PDE4D: variants seen among roughly 807,000 people sequenced by gnomAD.
The protein encoded by PDE4D is phosphodiesterase 4D.
A neutral mutation model predicts 87.4 loss-of-function variants in PDE4D; 24 were observed. The ratio of observed to expected loss-of-function variants is 0.27; its 90% confidence interval spans 0.20 to 0.39. PDE4D has a LOEUF of 0.39. Ranked by LOEUF, PDE4D falls within the 10% of genes least tolerant of loss-of-function variation. The pLI is 1.00. For synonymous variants in PDE4D, 384 were observed against 383.2 expected, an observed-to-expected ratio of 1.00 and a Z score of -0.02; for missense variants, 714 against 1,041.0, an observed-to-expected ratio of 0.69 and a Z score of 4.32.
At chr5:59,571,078 C>G (rs556547364) in intron 1 of PDE4D, among the ~76,000 whole-genome samples, 2 of 152,128 alleles carry the variant, frequency 1.3e-5, no homozygotes, top group African/African-American at 4.8e-5. Flanking sequence ...AAAATTTGCT[C>G]CTCCCTGATG....
At chr5:59,286,775 C>A (rs906087615) in intron 1 of PDE4D, among the ~76,000 whole-genome samples, 5 of 152,104 alleles carry the variant, frequency 3.3e-5, no homozygotes, top group African/African-American at 9.7e-5. Flanking sequence ...CTTACCTATT[C>A]TAGATATTTC....
intron 1 of PDE4D, among the ~76,000 whole-genome samples, chr5:59,559,851 C>T (rs888322308): frequency 1.3e-4 from 20 of 152,124 alleles, no homozygotes; most frequent in African/African-American, 3.6e-4. Context: ...GGGCTAAGTA[C>T]GTTCACAAAA....
chr5:59,372,866 C>T (rs146273664), intron 1 of PDE4D, among the ~76,000 whole-genome samples: 15 of 152,308 alleles, frequency 9.8e-5, no homozygotes, highest in African/African-American at 3.6e-4. Context: ...GTTTGGGCCT[C>T]ATACAAGTCC....
At chr5:60,345,681 A>G (rs904450268) in intron 1 of PDE4D, among the ~76,000 whole-genome samples, 6 of 152,014 alleles carry the variant, frequency 3.9e-5, no homozygotes, top group African/African-American at 1.4e-4. Context: ...CCTGCCACAA[A>G]TTATTTATAC....
rs1233689055 is a variant in PDE4D, at chr5:58,973,840, A to AAAT, written c.*821_*823dup. The AAAT allele has an allele frequency of 6.8e-6, 1 of 147,346 alleles. No homozygotes were observed. The highest frequency in any genetic ancestry group is 1.5e-5 in the Non-Finnish European group (1 of 66,092). The allele number at this position is 147,346 out of a possible 1,614,324, so 9.1% of individuals were successfully genotyped here. A position where few individuals can be genotyped will look rare whatever the true frequency, so the allele number is the denominator to read the frequency against. On this transcript the variant is annotated 3_prime_UTR_variant, in exon 15 of 15. Transcript: ENST00000340635. ...AACATAAAGTTGTTTTTCTCTTTTAAAATATGGAAGTCATTGGTATATAAA... is the reference window on the plus strand; with the variant it reads ...AACATAAAGTTGTTTTTCTCTTTTAAAATAATATGGAAGTCATTGGTATATAAA...
At chr5:59,755,346 G>A (rs1047272855) in intron 1 of PDE4D, among the ~76,000 whole-genome samples, 10 of 151,960 alleles carry the variant, frequency 6.6e-5, no homozygotes, top group East Asian at 1.9e-4. Flanking sequence ...AATAAATGAC[G>A]CTAGTTCCAA....
At position 59,614,779 on chromosome 5, in the gene PDE4D, A is replaced by G. The variant is rs137935347; in HGVS notation, c.455+278389T>C. 2.4e-3 allele frequency among the ~76,000 whole-genome samples: 367 copies of G among 152,134 alleles called. 1 individual carries two copies. The highest frequency in any genetic ancestry group is 8.6e-3 in the African/African-American group (359 of 41,512). On this transcript the variant is annotated intron_variant, in intron 1 of 14. Transcript: ENST00000340635. ...AAGGCATTTATCTGTAAATTGATAC[A>G]TCCTCAGGCAACTGTGCTGATATTC...
At chr5:59,423,751 A>G (rs990558734) in intron 1 of PDE4D, among the ~76,000 whole-genome samples, 2 of 152,230 alleles carry the variant, frequency 1.3e-5, no homozygotes, top group South Asian at 2.1e-4. Flanking sequence ...CATGGGTGAC[A>G]AGGGCAATTT....
At chr5:59,800,474 C>T (rs1263194836) in intron 1 of PDE4D, among the ~76,000 whole-genome samples, 1 of 152,072 alleles carries the variant, frequency 6.6e-6, no homozygotes, top group Non-Finnish European at 1.5e-5. Flanking sequence ...TGCAGGGAGT[C>T]TCAAGTGCAT....
chr5:59,103,646 C>A (rs1274064702), intron 5 of PDE4D, among the ~76,000 whole-genome samples: 2 of 152,146 alleles, frequency 1.3e-5, no homozygotes, highest in Non-Finnish European at 2.9e-5. Context: ...AAGCTTCTCC[C>A]TTTATGTGAA....
chr5:59,840,118 GTCC>G (rs1681025944), intron 1 of PDE4D, among the ~76,000 whole-genome samples: 1 of 151,648 alleles, frequency 6.6e-6, no homozygotes, highest in Non-Finnish European at 1.5e-5. Flanking sequence ...CACTTACAAA[GTCC>G]TCCTGCTTCA....
chr5:59,482,967 C>T (rs182710258), intron 1 of PDE4D, among the ~76,000 whole-genome samples: 14 of 152,222 alleles, frequency 9.2e-5, no homozygotes, highest in Admixed American at 9.2e-4. Flanking sequence ...AACTGGTAGA[C>T]TGAGGAAAGC....
intron 1 of PDE4D, among the ~76,000 whole-genome samples, chr5:59,627,541 C>T (rs1404331634): frequency 1.3e-5 from 2 of 152,108 alleles, no homozygotes; most frequent in African/African-American, 2.4e-5. Context: ...TTCACCCCAC[C>T]CCAAAGCCTT....
intron 1 of PDE4D, among the ~76,000 whole-genome samples, chr5:59,886,359 T>C (rs1750145269): frequency 6.6e-6 from 1 of 151,750 alleles, no homozygotes; most frequent in African/African-American, 2.4e-5. Context: ...CTACTAAAAA[T>C]ACGAAAAATT....
chr5:59,474,622 T>A (rs1803005846), intron 1 of PDE4D, among the ~76,000 whole-genome samples: 1 of 152,180 alleles, frequency 6.6e-6, no homozygotes, highest in Non-Finnish European at 1.5e-5. Context: ...TCAATCATCT[T>A]GGGTCCCAGG....
intron 1 of PDE4D, among the ~76,000 whole-genome samples, chr5:59,361,324 G>A (rs1457483210): frequency 5.9e-5 from 9 of 152,048 alleles, no homozygotes; most frequent in Non-Finnish European, 1.3e-4. Context: ...TAAAAATCTT[G>A]AAATCAATGT....
chr5:60,398,324 TAAA>T (rs1467859743), intron 1 of PDE4D, among the ~76,000 whole-genome samples: 2 of 152,172 alleles, frequency 1.3e-5, no homozygotes, highest in Non-Finnish European at 2.9e-5. Context: ...ATGATGGTGG[TAAA>T]AGTGGCTGTC....
chr5:59,330,087 A>G (rs192277015), intron 1 of PDE4D, among the ~76,000 whole-genome samples: 10 of 152,284 alleles, frequency 6.6e-5, no homozygotes, highest in Admixed American at 5.9e-4. Context: ...TGGGAGTCCT[A>G]TCTTTAATAT....
chr5:59,792,641 G>A (rs1389226828), intron 1 of PDE4D, among the ~76,000 whole-genome samples: 5 of 152,146 alleles, frequency 3.3e-5, no homozygotes, highest in Admixed American at 2.0e-4. Context: ...AATATGCAAA[G>A]GAGTTTGGAC....
Sources: allele counts gnomAD v4.1 joint callset (sites outside exome capture counted in the v4.1 genomes callset), GRCh38; gene constraint gnomAD v4.1.1; transcripts MANE v1.5; gene names NCBI Gene and HGNC (gene_info 2026-07-23, HGNC 2026-07-21).